The following BMP3 variants were observed in gnomAD, a reference collection of about 807,000 sequenced individuals.
BMP3 encodes the protein bone morphogenetic protein 3 (osteogenic).
BMP3 carries 23 observed loss-of-function variants against 38.1 expected under a neutral mutation model. That is an observed-to-expected ratio of 0.60 (90% confidence interval 0.43 to 0.86). The LOEUF (loss-of-function observed/expected upper bound fraction) is 0.86. BMP3 is among the 40% of genes least tolerant of loss of function. BMP3 has a pLI of 0.00. For synonymous variants in BMP3, 258 were observed against 225.7 expected (o/e 1.14, Z -1.28); for missense variants, 628 against 579.6 (o/e 1.08, Z -0.86).
chr4:81,043,590 A>ATTTTC, intron 1 of BMP3, among the ~76,000 whole-genome samples: 1 of 130,760 alleles, frequency 7.6e-6, no homozygotes, highest in African/African-American at 2.9e-5. Context: ...GCATACTACA[A>ATTTTC]TTTTTTTTTT....
At chr4:81,044,489 T>C (rs1740177386) in intron 1 of BMP3, among the ~76,000 whole-genome samples, 1 of 152,234 alleles carries the variant, frequency 6.6e-6, no homozygotes, top group African/African-American at 2.4e-5. Flanking sequence ...TCACATAGTA[T>C]AAATTTAACT....
rs564953432 is a variant in BMP3 at position 81,041,442 on chromosome 4, G to T, written c.317-4296G>T. On this transcript the variant is annotated intron_variant, in intron 1 of 2. Coordinates refer to ENST00000282701, the MANE Select transcript of BMP3 (RefSeq NM_001201.5). ...CTTTGTGAAATGGCTGATAATTCTA[G>T]CTTATTGTTTTGCTTCTTGGTTTTT... Among the ~76,000 whole-genome samples, 89 of 152,302 alleles carry T rather than the reference G, an allele frequency of 5.8e-4. 2 individuals are homozygous for T. Among genetic ancestry groups the T allele is most frequent in the Non-Finnish European group, 9.3e-4 (63 of 68,020 alleles).
Position 81,053,401 on chromosome 4 carries a change from C to T in BMP3, c.1284C>T (p.Val428=), listed in dbSNP as rs754249855. The change falls in exon 3 of 3, where the codon GTC becomes GTT. Residue 428 remains valine, a synonymous_variant. Transcript: ENST00000282701. ...TIQSIVRAVG[V]VPGIPEPCCV... is the part of the protein sequence containing the mutation. ...AGAGTATAGTGAGAGCTGTGGGGGT[C>T]GTTCCTGGGATTCCTGAGCCTTGCT... The T allele has an allele frequency of 1.2e-6, 2 of 1,610,422 alleles. No homozygotes were observed.
rs10019455 is a variant in BMP3, at chr4:81,056,576, A to T, written c.*3040A>T. ...TGAATTCAAATTAAGGGACTGCCAA[A>T]GTCAATTAGAATATTTTAAAAATAC... is the stretch of plus-strand genomic sequence containing the variant. On this transcript the variant is annotated 3_prime_UTR_variant, in exon 3 of 3. Transcript: ENST00000282701. The T allele has an allele frequency of 1, 152,555 of 152,744 alleles. 76,184 individuals are homozygous for T. The highest frequency in any genetic ancestry group is 1 in the Non-Finnish European group (68,048 of 68,048). 9.5% of individuals were successfully genotyped at this position (152,744 alleles called of 1,614,324 possible).
At chr4:81,038,218 G>A (rs1043290039) in intron 1 of BMP3, among the ~76,000 whole-genome samples, 2 of 152,030 alleles carry the variant, frequency 1.3e-5, no homozygotes, top group East Asian at 3.9e-4. Context: ...CTTTATGATG[G>A]TTTTGCCATA....
chr4:81,035,978 G>T (rs1265121301), intron 1 of BMP3, among the ~76,000 whole-genome samples: 1 of 151,920 alleles, frequency 6.6e-6, no homozygotes. Context: ...ACCTATCTCA[G>T]TATGTTAACT....
rs765742411 is a variant in BMP3, at chr4:81,053,407, T to G, written c.1290T>G (p.Pro430=). The G allele has an allele frequency of 1.9e-6, 3 of 1,611,282 alleles. 1 individual carries two copies. In the South Asian group the frequency reaches 3.3e-5, roughly 18 times the overall value. ...QSIVRAVGVV[P]GIPEPCCVPE... ...TAGTGAGAGCTGTGGGGGTCGTTCC[T>G]GGGATTCCTGAGCCTTGCTGTGTAC... Residue 430 remains proline, a synonymous_variant, in exon 3 of 3, where the codon CCT becomes CCG. Transcript: ENST00000282701.
intron 1 of BMP3, among the ~76,000 whole-genome samples, chr4:81,038,954 A>G (rs1002150913): frequency 3.3e-5 from 5 of 152,024 alleles, no homozygotes; most frequent in African/African-American, 9.7e-5. Flanking sequence ...AGAAAAACAT[A>G]CATCATATCA....
Position 81,045,835 on chromosome 4 carries a change from G to A in BMP3, c.414G>A (p.Glu138=), listed in dbSNP as rs961840461. Residue 138 remains glutamate, a synonymous_variant, in exon 2 of 3, where the codon GAG becomes GAA. Coordinates refer to ENST00000282701, the MANE Select transcript of BMP3 (RefSeq NM_001201.5). ...LSATLYFCIG[E]LGNISLSCPV... ...CCACACTGTATTTCTGTATTGGAGA[G>A]CTAGGAAACATCAGCCTGAGTTGTC... The A allele has an allele frequency of 8.7e-6, 14 of 1,613,960 alleles. No individual in the cohort carries two copies. Among genetic ancestry groups the A allele is most frequent in the Non-Finnish European group, 1.1e-5 (13 of 1,180,008 alleles).
intron 1 of BMP3, among the ~76,000 whole-genome samples, chr4:81,042,876 C>T (rs1740117381): frequency 6.6e-6 from 1 of 152,158 alleles, no homozygotes; most frequent in South Asian, 2.1e-4. Context: ...GCTCCGGTGA[C>T]TGGTATGAAT....
chr4:81,032,213 A>AAAC (rs1578292391), intron 1 of BMP3, among the ~76,000 whole-genome samples: 2 of 143,410 alleles, frequency 1.4e-5, no homozygotes, highest in African/African-American at 2.8e-5. Flanking sequence ...AAAAAAAAAA[A>AAAC]AAAAAAACAG....
intron 1 of BMP3, among the ~76,000 whole-genome samples, chr4:81,031,934 C>T (rs552455627): frequency 2.6e-5 from 4 of 152,098 alleles, no homozygotes; most frequent in Non-Finnish European, 5.9e-5. Context: ...ACTGGAGCAC[C>T]TCTAGGGTAC....
chr4:81,050,168 A>T (rs890990824), intron 2 of BMP3, among the ~76,000 whole-genome samples: 5 of 152,200 alleles, frequency 3.3e-5, no homozygotes, highest in African/African-American at 1.2e-4. Context: ...CCAGGTCAGG[A>T]ATGAAGGCTC....
intron 1 of BMP3, among the ~76,000 whole-genome samples, chr4:81,033,665 T>C (rs1345558918): frequency 1.3e-5 from 2 of 152,186 alleles, no homozygotes; most frequent in African/African-American, 4.8e-5. Flanking sequence ...GAGTGTTTAG[T>C]TACTAACACA....
intron 1 of BMP3, among the ~76,000 whole-genome samples, chr4:81,043,351 A>G (rs1296745500): frequency 1.3e-5 from 2 of 152,074 alleles, no homozygotes; most frequent in Admixed American, 6.5e-5. Flanking sequence ...CTTCTCTCTC[A>G]TTTCTGGATT....
At chr4:81,050,353 G>T (rs1740372558) in intron 2 of BMP3, among the ~76,000 whole-genome samples, 1 of 152,170 alleles carries the variant, frequency 6.6e-6, no homozygotes, top group African/African-American at 2.4e-5. Flanking sequence ...CCCAGAGAGA[G>T]ATTCTTGGAA....
In BMP3 at chr4:81,055,075, C is replaced by T. The variant is rs1740513544; in HGVS notation, c.*1539C>T. ...TACCTGTGTGTCTTTAGTGTCCTCA[C>T]TGGTAAAATGAAGAGGCTGGCCATG... On this transcript the variant is annotated 3_prime_UTR_variant, in exon 3 of 3. Transcript: ENST00000282701. 1 of 152,102 alleles carries T rather than the reference C, an allele frequency of 6.6e-6. No individual in the cohort carries two copies. The highest frequency in any genetic ancestry group is 1.5e-5 in the Non-Finnish European group (1 of 68,014). 9.4% of individuals were successfully genotyped at this position (152,102 alleles called of 1,614,324 possible). A position where few individuals can be genotyped will look rare whatever the true frequency, so the allele number is the denominator to read the frequency against.
rs1019496233 is a variant in BMP3 at position 81,056,544 on chromosome 4, G to C, written c.*3008G>C. Reference sequence around the variant, plus strand: ...AAAAGAATTCTTTTTCTCAATAACTGTTCTCTTGAATTCAAATTAAGGGAC... The same window carrying C: ...AAAAGAATTCTTTTTCTCAATAACTCTTCTCTTGAATTCAAATTAAGGGAC... On this transcript the variant is annotated 3_prime_UTR_variant, in exon 3 of 3. Transcript: ENST00000282701. The C allele has an allele frequency of 1.6e-4, 25 of 152,404 alleles. No homozygotes were observed. The highest frequency in any genetic ancestry group is 6.0e-4 in the African/African-American group (25 of 41,374). The allele number at this position is 152,404 out of a possible 1,614,324, so 9.4% of individuals were successfully genotyped here.
At chr4:81,036,906 C>T (rs973082996) in intron 1 of BMP3, among the ~76,000 whole-genome samples, 1 of 151,946 alleles carries the variant, frequency 6.6e-6, no homozygotes, top group African/African-American at 2.4e-5. Context: ...GCATGAATTC[C>T]TCTTTGTTTA....
Sources: gnomAD v4.1 joint callset for allele counts (sites outside exome capture counted in the v4.1 genomes callset) on GRCh38, gnomAD v4.1.1 for gene constraint, MANE v1.5 for transcripts, NCBI Gene and HGNC (gene_info 2026-07-23, HGNC 2026-07-21) for gene names.